GALNT8: variants seen among roughly 807,000 people sequenced by gnomAD.
GALNT8 encodes probable polypeptide N-acetylgalactosaminyltransferase 8.
Under a neutral mutation model 62.7 loss-of-function variants are expected in GALNT8, and 66 were observed. That is an observed-to-expected ratio of 1.05 (90% CI 0.86 to 1.29). The LOEUF is 1.29. Ranked by LOEUF, GALNT8 falls within the 50% of genes most tolerant of loss-of-function variation. GALNT8 has a pLI of 0.00. For synonymous variants in GALNT8, 288 were observed against 294.3 expected (o/e 0.98, Z 0.22); for missense variants, 771 against 791.8 (o/e 0.97, Z 0.32).
At position 4,745,589 on chromosome 12, in the gene GALNT8, G is replaced by A. The variant is rs1168153923; in HGVS notation, c.1021G>A (p.Ala341Thr). Residue 341 changes from alanine to threonine, a missense_variant, in exon 5 of 11, where the codon GCC becomes ACC. Transcript: ENST00000252318. Reference sequence around the variant, plus strand: ...GTGCCGCTACGATGCACTGCCACAAGCCTGGATTGATCTGCATGATGTCAC... The same window carrying A: ...GTGCCGCTACGATGCACTGCCACAAACCTGGATTGATCTGCATGATGTCAC... ...LWCRYDALPQ[A>T]WIDLHDVTAP... 6.2e-7 allele frequency: 1 copy of A among 1,614,074 alleles called. No homozygotes were observed. The highest frequency in any genetic ancestry group is 1.1e-5 in the South Asian group (1 of 91,086).
Position 4,726,393 on chromosome 12 carries a change from A to G in GALNT8, c.212-139A>G. The G allele has an allele frequency of 3.1e-6, 2 of 639,280 alleles. No individual in the cohort carries two copies. Among genetic ancestry groups the G allele is most frequent in the South Asian group, 2.0e-5 (1 of 49,920 alleles). The allele number at this position is 639,280 out of a possible 1,614,324, so 39.6% of individuals were successfully genotyped here. A position where few individuals can be genotyped will look rare whatever the true frequency, so the allele number is the denominator to read the frequency against. ...CTGGATAAGTTCCCTGACATACTAC[A>G]TCCTCTGTGACAAGAGCTTATAAGT... On this transcript the variant is annotated intron_variant, in intron 1 of 10. Coordinates refer to ENST00000252318, the MANE Select transcript of GALNT8 (RefSeq NM_017417.2). This position sits in a 1 kb window ranked among gnomAD's most constrained non-coding sequence, Gnocchi z 4.1.
At chr12:4,740,227 C>G (rs144084811) in intron 3 of GALNT8, among the ~76,000 whole-genome samples, 10 of 152,170 alleles carry the variant, frequency 6.6e-5, no homozygotes, top group African/African-American at 2.4e-4. Context: ...TGAGTCCTCA[C>G]TTTCTGAGTT....
At position 4,763,380 on chromosome 12, in the gene GALNT8, G is replaced by T. The variant is rs573950650; in HGVS notation, c.1487G>T (p.Gly496Val). 129 of 1,612,018 alleles carry T rather than the reference G, an allele frequency of 8.0e-5. No homozygotes were observed. The highest frequency in any genetic ancestry group is 5.3e-4 in the Admixed American group (32 of 59,928). ...PLLKPLHTIV[G>V]YGRMKNLLDE... ...TTGAAGCCACTCCACACCATCGTGG[G>T]CTATGGAAGAGTATGTATTATGAAA... The change falls in exon 8 of 11, where the codon GGC becomes GTC. Residue 496 changes from glycine (G) to valine (V), a missense_variant. By Grantham distance (109) the Gly-to-Val change is moderately radical. Coordinates refer to ENST00000252318, the MANE Select transcript of GALNT8 (RefSeq NM_017417.2).
In GALNT8 at chr12:4,765,500, C is replaced by T; in HGVS notation, c.1715C>T (p.Ser572Phe). The change falls in exon 10 of 11, where the codon TCC becomes TTC. Residue 572 changes from serine to phenylalanine, a missense_variant. Ser to Phe is a radical substitution (Grantham distance 155). Transcript: ENST00000252318. ...GAGAAGCCCACCTTAGAACCATGCT[C>T]CAAGGCAGCTAAGAATAGACTGCAT... is the stretch of plus-strand genomic sequence containing the variant. Reference protein sequence around the residue: ...KAEKPTLEPCSKAAKNRLHIY... With the variant: ...KAEKPTLEPCFKAAKNRLHIY... 1 of 1,612,190 alleles carries T rather than the reference C, an allele frequency of 6.2e-7. No homozygotes were observed. Among genetic ancestry groups the T allele is most frequent in the Non-Finnish European group, 8.5e-7 (1 of 1,179,798 alleles).
intron 6 of GALNT8, among the ~76,000 whole-genome samples, chr12:4,755,149 G>A (rs1946339123): frequency 6.6e-6 from 1 of 152,142 alleles, no homozygotes; most frequent in East Asian, 1.9e-4. Context: ...CCAATCCACT[G>A]TCTCTGGGCC....
chr12:4,753,411 C>A (rs748478165), intron 6 of GALNT8, among the ~76,000 whole-genome samples: 2 of 152,158 alleles, frequency 1.3e-5, no homozygotes, highest in African/African-American at 2.4e-5. Flanking sequence ...AGCCTGTCCT[C>A]AAGCTTACTG....
At chr12:4,752,571 C>T (rs1946326921) in intron 6 of GALNT8, among the ~76,000 whole-genome samples, 1 of 151,158 alleles carries the variant, frequency 6.6e-6, no homozygotes, top group African/African-American at 2.4e-5. Context: ...TACACCTTGA[C>T]TTTGTCCCCC....
chr12:4,734,262 C>G (rs557778484), intron 2 of GALNT8, among the ~76,000 whole-genome samples: 1 of 152,130 alleles, frequency 6.6e-6, no homozygotes, highest in Admixed American at 6.5e-5. Flanking sequence ...AGCTGTGACT[C>G]GAGTGAACAC....
rs184882547 is a variant in GALNT8, at chr12:4,747,608, A to T, written c.1173+1350A>T. ...ATTGCATACTACATTTTCTTTATCC[A>T]TTCATCTGTTGATGGACACTTAGAT... On this transcript the variant is annotated intron_variant, in intron 6 of 10. Transcript: ENST00000252318. Among the ~76,000 whole-genome samples the T allele has an allele frequency of 2.6e-4, 40 of 151,982 alleles. 1 individual carries two copies. Among genetic ancestry groups the T allele is most frequent in the African/African-American group, 9.7e-4 (40 of 41,442 alleles).
At position 4,772,561 on chromosome 12, in the gene GALNT8, C is replaced by CA. The variant is rs769421601; in HGVS notation, c.1879dup (p.Thr627AsnfsTer33). On this transcript the variant is annotated frameshift_variant, in exon 11 of 11. Transcript: ENST00000252318. LOFTEE classifies it low-confidence loss of function (END_TRUNC). ...GCACGCAAGTGTGGGAAATCCAGCACACTGTCAGAGACTGGGGTCAGACCA... is the reference window on the plus strand; with the variant it reads ...GCACGCAAGTGTGGGAAATCCAGCACAACTGTCAGAGACTGGGGTCAGACCA... The CA allele has an allele frequency of 6.2e-7, 1 of 1,613,958 alleles. No individual in the cohort carries two copies. The highest frequency in any genetic ancestry group is 8.5e-7 in the Non-Finnish European group (1 of 1,179,872).
chr12:4,770,639 A>G (rs550327189), intron 10 of GALNT8, among the ~76,000 whole-genome samples: 2 of 152,330 alleles, frequency 1.3e-5, no homozygotes, highest in South Asian at 4.1e-4. Flanking sequence ...TGTGATCACT[A>G]GCTCCATCTC....
At chr12:4,722,786 G>C (rs1946176916) in intron 1 of GALNT8, among the ~76,000 whole-genome samples, 1 of 152,102 alleles carries the variant, frequency 6.6e-6, no homozygotes, top group Admixed American at 6.5e-5. Flanking sequence ...GCATTGTCAG[G>C]GTTCAGGGTG....
At chr12:4,770,367 AG>A (rs2137547642) in intron 10 of GALNT8, among the ~76,000 whole-genome samples, 1 of 152,286 alleles carries the variant, frequency 6.6e-6, no homozygotes, top group African/African-American at 2.4e-5. Context: ...AAAATGTGTA[AG>A]ATACAGATGA....
Position 4,763,346 on chromosome 12 carries a change from T to C in GALNT8, c.1453T>C (p.Tyr485His). ...KTFDWYLKNV[Y>H]PLLKPLHTIV... ...TTTTGACTGGTACCTGAAAAATGTT[T>C]ATCCACTCTTGAAGCCACTCCACAC... The change falls in exon 8 of 11, where the codon TAT becomes CAT. Residue 485 changes from tyrosine to histidine, a missense_variant. Coordinates refer to ENST00000252318, the MANE Select transcript of GALNT8 (RefSeq NM_017417.2). 1 of 1,612,870 alleles carries C rather than the reference T, an allele frequency of 6.2e-7. No individual in the cohort carries two copies. Among genetic ancestry groups the C allele is most frequent in the Non-Finnish European group, 8.5e-7 (1 of 1,178,842 alleles).
Position 4,744,573 on chromosome 12 carries a change from G to T in GALNT8, c.733G>T (p.Gly245Ter), listed in dbSNP as rs894891820. 2 of 1,612,862 alleles carry T rather than the reference G, an allele frequency of 1.2e-6. No individual in the cohort carries two copies. The highest frequency in any genetic ancestry group is 1.7e-6 in the Non-Finnish European group (2 of 1,178,956). Residue 245 changes from glycine to a stop codon, truncating the protein, a stop_gained, in exon 4 of 11, where the codon GGA becomes TGA. Transcript: ENST00000252318. LOFTEE classifies it high-confidence loss of function. ...KIKLYNQKYPGLLKIIRHPER... is the reference protein window; with the variant it reads ...KIKLYNQKYP The stretch of plus-strand genomic sequence containing the variant: ...TAAGCTTTACAACCAGAAGTATCCA[G>T]GACTACTGAAAATAATACGGCATCC...
Position 4,763,954 on chromosome 12 carries a change from GA to G in GALNT8, c.1505del (p.Asn502ThrfsTer36). 6.5e-7 allele frequency: 1 copy of G among 1,539,852 alleles called. No homozygotes were observed. Among genetic ancestry groups the G allele is most frequent in the Non-Finnish European group, 9.0e-7 (1 of 1,111,592 alleles). ...GCCGTGTGTTTTGTCCCCTTCAGATGAAAAACCTATTGGATGAAAATGTCTG... is the reference window on the plus strand; with the variant it reads ...GCCGTGTGTTTTGTCCCCTTCAGATGAAAACCTATTGGATGAAAATGTCTG... ...LHTIVGYGRM[K>X]NLLDENVCLD... On this transcript the variant is annotated frameshift_variant, in exon 9 of 11. Transcript: ENST00000252318. LOFTEE classifies it high-confidence loss of function.
At chr12:4,734,396 G>A (rs903971237) in intron 2 of GALNT8, among the ~76,000 whole-genome samples, 1 of 152,146 alleles carries the variant, frequency 6.6e-6, no homozygotes, top group African/African-American at 2.4e-5. Context: ...ATGAGAGGCT[G>A]CACTTTAACA....
intron 10 of GALNT8, among the ~76,000 whole-genome samples, chr12:4,767,347 G>A (rs958294826): frequency 6.6e-6 from 1 of 152,186 alleles, no homozygotes; most frequent in African/African-American, 2.4e-5. Flanking sequence ...TCTAGCATCT[G>A]GCACAACCCC....
rs1305014615 is a variant in GALNT8, at chr12:4,772,551, A to G, written c.1868A>G (p.Glu623Gly). 1.2e-6 allele frequency: 2 copies of G among 1,613,916 alleles called. No homozygotes were observed. Among genetic ancestry groups the G allele is most frequent in the East Asian group, 4.5e-5 (2 of 44,866 alleles). Residue 623 changes from glutamate (E) to glycine (G), a missense_variant, in exon 11 of 11, where the codon GAA (glutamate) becomes GGA (glycine). Physicochemically the swap from Glu to Gly is moderately conservative, Grantham distance 98. Coordinates refer to ENST00000252318, the MANE Select transcript of GALNT8 (RefSeq NM_017417.2). The part of the protein sequence containing the change: ...VLQTCSTQVW[E>G]IQHTVRDWGQ... ...CAGACCTGTAGCACGCAAGTGTGGG[A>G]AATCCAGCACACTGTCAGAGACTGG...
Sources: gnomAD v4.1 joint callset for allele counts (sites outside exome capture counted in the v4.1 genomes callset) on GRCh38, gnomAD v4.1.1 for gene constraint, Gnocchi (gnomAD v3.1) non-coding constraint, MANE v1.5 for transcripts, NCBI Gene and HGNC (gene_info 2026-07-23, HGNC 2026-07-21) for gene names.